Variants in TMEM132D observed in about 807,000 individuals in gnomAD.
TMEM132D encodes the protein mature OL transmembrane protein.
In TMEM132D, 21 loss-of-function variants were observed where a neutral mutation model predicts 62.3. The ratio of observed to expected loss-of-function variants is 0.34; its 90% CI spans 0.24 to 0.49. TMEM132D has a LOEUF of 0.49. Among genes scored for constraint, TMEM132D ranks in the 20% least tolerant of loss-of-function variants. The pLI, the probability that TMEM132D is intolerant of heterozygous loss-of-function variation, is 0.99. For missense variants in TMEM132D, 1,346 were observed against 1,402.8 expected (o/e 0.96, Z 0.65); for synonymous variants, 621 against 575.6 (o/e 1.08, Z -1.13).
At chr12:129,394,161 A>G (rs1266910548) in intron 3 of TMEM132D, among the ~76,000 whole-genome samples, 1 of 152,186 alleles carries the variant, frequency 6.6e-6, no homozygotes, top group Non-Finnish European at 1.5e-5. Context: ...CAAACTGTAC[A>G]ATCCTCAGTG....
At chr12:129,424,276 A>C (rs1465093453) in intron 3 of TMEM132D, among the ~76,000 whole-genome samples, 1 of 152,124 alleles carries the variant, frequency 6.6e-6, no homozygotes, top group Non-Finnish European at 1.5e-5. Flanking sequence ...TTCTCAATAA[A>C]GTATTAGTTT....
chr12:129,073,838 A>G lies in TMEM132D; in HGVS notation c.*37T>C, dbSNP rs2135601104. The G allele has an allele frequency of 6.7e-7, 1 of 1,496,198 alleles. No individual in the cohort carries two copies. The highest frequency in any genetic ancestry group is 9.0e-7 in the Non-Finnish European group (1 of 1,116,122). 92.7% of individuals were successfully genotyped at this position (1,496,198 alleles called of 1,614,324 possible). The stretch of plus-strand genomic sequence containing the variant: ...CTACACATCCTGGAATTAAAGGCTG[A>G]AAGGTGAGTGAGAACCAATGTCTGT... On this transcript the variant is annotated 3_prime_UTR_variant, in exon 9 of 9. Transcript: ENST00000422113.
rs888346492 is a variant in TMEM132D at position 129,867,235 on chromosome 12, G to T, written c.79+36026C>A. On this transcript the variant is annotated intron_variant, in intron 1 of 8. Transcript: ENST00000422113. The surrounding 1 kb of genome is among the most constrained non-coding windows in gnomAD (Gnocchi z 4.5). ...AGATCATGCCACTGCACTCCAGCCT[G>T]GGTGACAGAGCCAGACTCTGTCTCA... is the stretch of plus-strand genomic sequence containing the variant. Among the ~76,000 whole-genome samples, 16 of 152,042 alleles carry T rather than the reference G, an allele frequency of 1.1e-4. 1 individual carries two copies. The highest frequency in any genetic ancestry group is 3.9e-4 in the African/African-American group (16 of 41,404).
At chr12:129,747,602 G>A (rs1240113623) in intron 1 of TMEM132D, among the ~76,000 whole-genome samples, 5 of 142,274 alleles carry the variant, frequency 3.5e-5, no homozygotes, top group Non-Finnish European at 6.1e-5. Flanking sequence ...ATGCACACTT[G>A]ACATACAGAC....
chr12:129,622,214 AGTCCACAAGCCCCACTC>A (rs1879091211), intron 2 of TMEM132D, among the ~76,000 whole-genome samples: 1 of 152,172 alleles, frequency 6.6e-6, no homozygotes, highest in Admixed American at 6.5e-5. Context: ...AGCCAGCAAG[AGTCCACAAGCCCCACTC>A]GTCCACTAGC....
intron 1 of TMEM132D, among the ~76,000 whole-genome samples, chr12:129,736,824 T>A (rs1434867106): frequency 6.6e-6 from 1 of 151,000 alleles, no homozygotes; most frequent in African/African-American, 2.4e-5. Flanking sequence ...TTTTTTTTTT[T>A]TTTTTTTTCT....
chr12:129,304,449 C>A (rs990023466), intron 4 of TMEM132D, among the ~76,000 whole-genome samples: 11 of 152,194 alleles, frequency 7.2e-5, no homozygotes, highest in Middle Eastern at 3.4e-3. Flanking sequence ...CAATACCGTG[C>A]AAAGACCAGG....
At chr12:129,621,802 G>T (rs1385560934) in intron 2 of TMEM132D, among the ~76,000 whole-genome samples, 1 of 152,166 alleles carries the variant, frequency 6.6e-6, no homozygotes. Context: ...ACACACAGCT[G>T]TTTACCTGAG....
At chr12:129,094,933 C>CA (rs1393817180) in intron 5 of TMEM132D, among the ~76,000 whole-genome samples, 1 of 145,498 alleles carries the variant, frequency 6.9e-6, no homozygotes, top group Non-Finnish European at 1.5e-5. Context: ...ATCGCAAGGA[C>CA]AAAAAACCAA....
At chr12:129,492,292 G>A (rs569478088) in intron 3 of TMEM132D, among the ~76,000 whole-genome samples, 1 of 152,148 alleles carries the variant, frequency 6.6e-6, no homozygotes, top group Admixed American at 6.5e-5. Context: ...GCATCATTTT[G>A]CTCACAGAGT....
intron 1 of TMEM132D, among the ~76,000 whole-genome samples, chr12:129,722,413 G>A (rs1052583702): frequency 1.3e-5 from 2 of 152,150 alleles, no homozygotes; most frequent in African/African-American, 4.8e-5. Context: ...AAATTCCCAC[G>A]GCTTTCCCAA....
At chr12:129,304,158 C>T (rs1036861116) in intron 4 of TMEM132D, among the ~76,000 whole-genome samples, 7 of 152,362 alleles carry the variant, frequency 4.6e-5, no homozygotes, top group East Asian at 3.9e-4. Context: ...TTTCAACCAT[C>T]GCAGTCTGTA....
intron 2 of TMEM132D, among the ~76,000 whole-genome samples, chr12:129,594,193 T>A (rs900703): frequency 6.6e-6 from 1 of 151,774 alleles, no homozygotes; most frequent in African/African-American, 2.4e-5. Context: ...TATGCAGAAG[T>A]GGGGTTAAAA....
At chr12:129,092,669 C>T (rs1874967350) in intron 5 of TMEM132D, among the ~76,000 whole-genome samples, 1 of 152,120 alleles carries the variant, frequency 6.6e-6, no homozygotes, top group East Asian at 1.9e-4. Context: ...TTACTCCAGC[C>T]TGGGCAACAA....
chr12:129,183,674 G>C (rs919101750), intron 5 of TMEM132D, among the ~76,000 whole-genome samples: 2 of 152,252 alleles, frequency 1.3e-5, no homozygotes, highest in Admixed American at 1.3e-4. Flanking sequence ...TTCTCTTGAA[G>C]AGTCCCTAGG....
intron 3 of TMEM132D, among the ~76,000 whole-genome samples, chr12:129,386,389 G>A (rs368020742): frequency 7.3e-5 from 11 of 151,704 alleles, no homozygotes; most frequent in Non-Finnish European, 1.0e-4. Flanking sequence ...CAATGCTAAC[G>A]CTATCACTAA....
intron 3 of TMEM132D, among the ~76,000 whole-genome samples, chr12:129,357,434 A>G (rs1367616055): frequency 6.6e-6 from 1 of 151,244 alleles, no homozygotes; most frequent in Non-Finnish European, 1.5e-5. Flanking sequence ...AGACGGAAGG[A>G]AAGAAAAAAA....
chr12:129,112,984 G>A (rs1004103377), intron 5 of TMEM132D: 3 of 152,198 alleles, frequency 2.0e-5, no homozygotes, highest in African/African-American at 7.2e-5. Context: ...TTGCTATTGA[G>A]GGCAGATGCT....
chr12:129,562,360 C>T (rs1388124202), intron 2 of TMEM132D, among the ~76,000 whole-genome samples: 3 of 152,172 alleles, frequency 2.0e-5, no homozygotes, highest in Non-Finnish European at 4.4e-5. Flanking sequence ...AGTTACCCAG[C>T]TCGAACGCCA....
Sources: allele counts gnomAD v4.1 joint callset (sites outside exome capture counted in the v4.1 genomes callset), GRCh38; gene constraint gnomAD v4.1.1; non-coding constraint Gnocchi (gnomAD v3.1); transcripts MANE v1.5; gene names NCBI Gene and HGNC (gene_info 2026-07-23, HGNC 2026-07-21).